Variants in FRMPD1 observed in about 807,000 individuals in gnomAD.
The protein encoded by FRMPD1 is FERM and PDZ domain-containing protein 1.
A neutral mutation model predicts 117.8 loss-of-function variants in FRMPD1; 76 were observed. The observed-to-expected ratio is 0.65, with a 90% CI of 0.54 to 0.78. The LOEUF (loss-of-function observed/expected upper bound fraction) is 0.78. FRMPD1 is among the 30% of genes least tolerant of loss of function. The pLI, the probability that FRMPD1 is intolerant of heterozygous loss-of-function variation, is 0.00. For missense variants in FRMPD1, 1,786 were observed against 1,964.5 expected (o/e 0.91, Z 1.72); for synonymous variants, 783 against 770.4 (o/e 1.02, Z -0.27).
chr9:37,719,246 C>A, intron 6 of FRMPD1, 70 bp downstream of exon 6: 2 of 929,620 alleles, frequency 2.2e-6, no homozygotes, highest in Non-Finnish European at 3.5e-6. Flanking sequence ...ACTCCCTGAA[C>A]CTCTGGAATT....
At chr9:37,607,054 C>T in the FRMPD1 span, among the ~76,000 whole-genome samples, 1 of 152,268 alleles carries the variant, frequency 6.6e-6, no homozygotes, top group South Asian at 2.1e-4. Flanking sequence ...GTGGCTGACA[C>T]CTATAATCCC....
chr9:37,685,639 G>A (rs1431626155), intron 1 of FRMPD1, among the ~76,000 whole-genome samples: 2 of 151,370 alleles, frequency 1.3e-5, no homozygotes, highest in African/African-American at 2.4e-5. Flanking sequence ...GCGAGAAAGC[G>A]AGACTCCGTC....
In FRMPD1 at chr9:37,729,862, G is replaced by C. The variant is rs1157068730; in HGVS notation, c.738+9G>C. 2 of 1,612,472 alleles carry C rather than the reference G, an allele frequency of 1.2e-6. No individual in the cohort carries two copies. The highest frequency in any genetic ancestry group is 1.7e-6 in the Non-Finnish European group (2 of 1,179,306). On this transcript the variant is annotated intron_variant, in intron 8 of 15. Coordinates refer to ENST00000377765, the MANE Select transcript of FRMPD1 (RefSeq NM_014907.3). ...AGGAACTCATCCAGCAGGTAGGGAG[G>C]ACTGACCGCCTGTTCCTGGGAGGCA...
chr9:37,646,191 T>C (rs1385280529), upstream of FRMPD1, among the ~76,000 whole-genome samples: 1 of 152,208 alleles, frequency 6.6e-6, no homozygotes, highest in Non-Finnish European at 1.5e-5. Flanking sequence ...TATTTCTGCA[T>C]AAGACCTTGA....
chr9:37,714,757 C>T (rs1271040565), intron 5 of FRMPD1, among the ~76,000 whole-genome samples: 2 of 151,900 alleles, frequency 1.3e-5, no homozygotes. Context: ...AGCAATTCTC[C>T]CACCTCAGTC....
At chr9:37,717,425 G>C (rs1303481682) in intron 5 of FRMPD1, among the ~76,000 whole-genome samples, 3 of 145,808 alleles carry the variant, frequency 2.1e-5, no homozygotes, top group Non-Finnish European at 3.0e-5. Context: ...TGTCATCCAG[G>C]CTGGAGTACA....
In FRMPD1 at chr9:37,744,321, T is replaced by C. The variant is rs1231077541; in HGVS notation, c.2357-68T>C. 23 of 1,242,248 alleles carry C rather than the reference T, an allele frequency of 1.9e-5. No homozygotes were observed. In the East Asian group the frequency reaches 5.1e-4, roughly 28 times the overall value. 77.0% of individuals were successfully genotyped at this position (1,242,248 alleles called of 1,614,324 possible). A position where few individuals can be genotyped will look rare whatever the true frequency, so the allele number is the denominator to read the frequency against. The stretch of plus-strand genomic sequence containing the variant: ...TTTAAACCCAGGAAAGCCCAAGGCC[T>C]GAGCCCAAGCTCTATTAACCTCTTT... On this transcript the variant is annotated intron_variant, in intron 15 of 15. Coordinates refer to ENST00000377765, the MANE Select transcript of FRMPD1 (RefSeq NM_014907.3).
At position 37,744,641 on chromosome 9, in the gene FRMPD1, A is replaced by T; in HGVS notation, c.2609A>T (p.Asp870Val). 1 of 1,613,600 alleles carries T rather than the reference A, an allele frequency of 6.2e-7. No individual in the cohort carries two copies. Among genetic ancestry groups the T allele is most frequent in the Non-Finnish European group, 8.5e-7 (1 of 1,179,786 alleles). Residue 870 changes from aspartate (D) to valine (V), a missense_variant, in exon 16 of 16, where the codon GAC becomes GTC. By Grantham distance (152) the Asp-to-Val change is radical. Coordinates refer to ENST00000377765, the MANE Select transcript of FRMPD1 (RefSeq NM_014907.3). The part of the protein sequence containing the change: ...LESVDDVCYY[D>V]REPYLALGAP... Reference sequence around the variant, plus strand: ...AGTGTAGACGACGTGTGCTACTATGACAGGGAGCCCTACCTGGCCCTTGGT... The same window carrying T: ...AGTGTAGACGACGTGTGCTACTATGTCAGGGAGCCCTACCTGGCCCTTGGT...
At chr9:37,620,074 G>T in the FRMPD1 span, among the ~76,000 whole-genome samples, 2 of 152,126 alleles carry the variant, frequency 1.3e-5, no homozygotes, top group African/African-American at 4.8e-5. Flanking sequence ...CACCGTGATC[G>T]CTAAAAGTTT....
intron 1 of FRMPD1, among the ~76,000 whole-genome samples, chr9:37,666,869 G>T (rs186802870): frequency 2.1e-4 from 32 of 152,226 alleles, no homozygotes; most frequent in Non-Finnish European, 3.8e-4. Flanking sequence ...CAGAGTCACT[G>T]ATAGAACCCT....
At chr9:37,673,448 T>G (rs1187154272) in intron 1 of FRMPD1, among the ~76,000 whole-genome samples, 2 of 152,220 alleles carry the variant, frequency 1.3e-5, no homozygotes, top group Non-Finnish European at 2.9e-5. Context: ...GCGTTGAGTG[T>G]CTGCGGCTTT....
At chr9:37,720,684 C>T (rs1279748451) in intron 6 of FRMPD1, among the ~76,000 whole-genome samples, 2 of 151,054 alleles carry the variant, frequency 1.3e-5, no homozygotes, top group Admixed American at 6.6e-5. Context: ...AAAAAGAGAT[C>T]GAGACTATCC....
At chr9:37,717,823 G>A (rs1242607220) in intron 5 of FRMPD1, among the ~76,000 whole-genome samples, 2 of 152,062 alleles carry the variant, frequency 1.3e-5, no homozygotes, top group Admixed American at 6.5e-5. Context: ...GATACCAACT[G>A]TTACATATTA....
the FRMPD1 span, among the ~76,000 whole-genome samples, chr9:37,606,102 A>G: frequency 6.6e-6 from 1 of 152,184 alleles, no homozygotes; most frequent in African/African-American, 2.4e-5. Context: ...TTTTGGAGCA[A>G]GGATGTAGGG....
In FRMPD1 at chr9:37,707,429, G is replaced by A. The variant is rs539493025; in HGVS notation, c.115G>A (p.Ala39Thr). The A allele has an allele frequency of 3.0e-5, 48 of 1,613,386 alleles. 1 individual carries two copies. In the South Asian group the frequency reaches 4.7e-4, roughly 16 times the overall value. The change falls in exon 3 of 16, where the codon GCA (alanine) becomes ACA (threonine). Residue 39 changes from alanine (A) to threonine (T), a missense_variant. Coordinates refer to ENST00000377765, the MANE Select transcript of FRMPD1 (RefSeq NM_014907.3). ...CTTCTCTTCCAGGGCTAAAGTTGCT[G>A]CAGCTGATGGGCCCGCCAGGAACCC... ...RDSSARAKVA[A>T]ADGPARNPTQ...
At chr9:37,720,059 G>T (rs1823325906) in intron 6 of FRMPD1, among the ~76,000 whole-genome samples, 1 of 152,096 alleles carries the variant, frequency 6.6e-6, no homozygotes, top group African/African-American at 2.4e-5. Context: ...GGGGGCTAAG[G>T]CCATTTTAAC....
At chr9:37,635,209 T>C in the FRMPD1 span, among the ~76,000 whole-genome samples, 12 of 152,214 alleles carry the variant, frequency 7.9e-5, no homozygotes, top group African/African-American at 2.9e-4. Context: ...GTAGCCTCTC[T>C]TTTAACCTTG....
chr9:37,610,809 T>A, the FRMPD1 span, among the ~76,000 whole-genome samples: 2 of 152,100 alleles, frequency 1.3e-5, no homozygotes, highest in Non-Finnish European at 2.9e-5. Flanking sequence ...CTCCATGTTG[T>A]TAGACTGGTC....
the FRMPD1 span, among the ~76,000 whole-genome samples, chr9:37,636,078 G>A: frequency 3.9e-5 from 6 of 152,188 alleles, no homozygotes; most frequent in Non-Finnish European, 8.8e-5. Context: ...GCCGCTACCC[G>A]CCCAGCCGCC....
Sources: allele counts gnomAD v4.1 joint callset (sites outside exome capture counted in the v4.1 genomes callset), GRCh38; gene constraint gnomAD v4.1.1; transcripts MANE v1.5; gene names NCBI Gene and HGNC (gene_info 2026-07-23, HGNC 2026-07-21).